FRMD4A: variants seen among roughly 807,000 people sequenced by gnomAD.
FRMD4A encodes FERM domain-containing protein 4A.
FRMD4A carries 29 observed loss-of-function variants against 129.1 expected under a neutral mutation model. The observed-to-expected ratio is 0.22, with a 90% CI of 0.17 to 0.31. FRMD4A has a LOEUF of 0.31. FRMD4A is among the 10% of genes least tolerant of loss of function. The pLI is 1.00. For synonymous variants in FRMD4A, 634 were observed against 571.6 expected (o/e 1.11, Z -1.56); for missense variants, 1,272 against 1,375.8 (o/e 0.92, Z 1.19).
intron 2 of FRMD4A, among the ~76,000 whole-genome samples, chr10:14,177,129 G>A (rs1180912478): frequency 5.3e-5 from 8 of 152,150 alleles, no homozygotes; most frequent in Non-Finnish European, 1.0e-4. Context: ...TGCACTGTTT[G>A]TGCCCTTTCT....
intron 4 of FRMD4A, among the ~76,000 whole-genome samples, chr10:13,801,772 C>T (rs1451091619): frequency 6.6e-6 from 1 of 152,168 alleles, no homozygotes; most frequent in Non-Finnish European, 1.5e-5. Flanking sequence ...TCAAGAATTC[C>T]ACACTGCTAA....
intron 2 of FRMD4A, chr10:13,890,507 C>T: frequency 2.1e-6 from 2 of 974,404 alleles, no homozygotes; most frequent in Non-Finnish European, 2.4e-6. Context: ...GGGGTACCAG[C>T]AGCTGAACCC....
intron 2 of FRMD4A, among the ~76,000 whole-genome samples, chr10:13,863,940 C>T (rs905038227): frequency 3.9e-5 from 6 of 152,090 alleles, no homozygotes; most frequent in East Asian, 1.9e-4. Flanking sequence ...CACAGGGACA[C>T]GGAAAGTAAT....
chr10:14,153,747 C>A (rs78339225), intron 2 of FRMD4A, among the ~76,000 whole-genome samples: 3,514 of 152,298 alleles, frequency 0.023, 65 homozygotes, highest in Non-Finnish European at 0.036. Context: ...TCTGGCCAAT[C>A]GCCTTTGGCA....
intron 2 of FRMD4A, among the ~76,000 whole-genome samples, chr10:13,995,811 C>T (rs2095620545): frequency 6.8e-6 from 1 of 146,884 alleles, no homozygotes; most frequent in Non-Finnish European, 1.5e-5. Context: ...GTATGCATTT[C>T]CAGACTGCTT....
intron 8 of FRMD4A, among the ~76,000 whole-genome samples, chr10:13,755,136 C>T (rs182863361): frequency 8.2e-4 from 125 of 152,074 alleles, no homozygotes; most frequent in Non-Finnish European, 1.6e-3. Context: ...AGATCGCAAT[C>T]GATATAAACG....
intron 16 of FRMD4A, among the ~76,000 whole-genome samples, 183 bp from the exon 17 acceptor site, chr10:13,670,711 G>A (rs1338255822): frequency 1.3e-5 from 2 of 152,202 alleles, no homozygotes; most frequent in African/African-American, 4.8e-5. Context: ...GTCAAGAAAT[G>A]AAATTTCATT....
At chr10:14,204,539 A>G (rs1407278239) in intron 2 of FRMD4A, among the ~76,000 whole-genome samples, 3 of 152,240 alleles carry the variant, frequency 2.0e-5, no homozygotes, top group Non-Finnish European at 2.9e-5. Flanking sequence ...GTGAATTGCC[A>G]TAGTCACGGT....
At chr10:14,048,213 G>A (rs1834071736) in intron 2 of FRMD4A, among the ~76,000 whole-genome samples, 1 of 152,162 alleles carries the variant, frequency 6.6e-6, no homozygotes, top group African/African-American at 2.4e-5. Context: ...CCAGTGACAG[G>A]ACCCGGAGTG....
At chr10:13,904,720 T>C (rs1192161872) in intron 2 of FRMD4A, among the ~76,000 whole-genome samples, 1 of 152,078 alleles carries the variant, frequency 6.6e-6, no homozygotes, top group Non-Finnish European at 1.5e-5. Context: ...TCAGTGATGG[T>C]AGAAAGCAGC....
chr10:14,044,259 C>A (rs1006443681), intron 2 of FRMD4A, among the ~76,000 whole-genome samples: 3 of 152,194 alleles, frequency 2.0e-5, no homozygotes, highest in African/African-American at 7.2e-5. Flanking sequence ...TGTTTGAGCT[C>A]TATTGTTTTA....
intron 15 of FRMD4A, among the ~76,000 whole-genome samples, chr10:13,689,913 A>C (rs979667227): frequency 6.6e-5 from 10 of 150,736 alleles, no homozygotes; most frequent in African/African-American, 2.0e-4. Flanking sequence ...TATCCTTCAC[A>C]ATTTAATTCA....
chr10:14,185,588 AAG>A (rs1842086974), intron 2 of FRMD4A, among the ~76,000 whole-genome samples: 1 of 151,010 alleles, frequency 6.6e-6, no homozygotes, highest in Admixed American at 6.6e-5. Flanking sequence ...TCTTGTAAGA[AAG>A]AGAAACAGGT....
intron 2 of FRMD4A, among the ~76,000 whole-genome samples, chr10:14,054,023 A>T (rs1025208117): frequency 3.3e-5 from 5 of 151,778 alleles, no homozygotes; most frequent in South Asian, 2.1e-4. Flanking sequence ...ATTTTTTTTT[A>T]AAAATTAGCT....
intron 3 of FRMD4A, among the ~76,000 whole-genome samples, chr10:13,851,948 C>G (rs1052281809): frequency 6.6e-5 from 10 of 151,196 alleles, no homozygotes; most frequent in African/African-American, 2.2e-4. Context: ...CCATCACTCA[C>G]ATGTGGGACC....
chr10:14,236,763 A>G (rs1346705385), intron 2 of FRMD4A, among the ~76,000 whole-genome samples: 1 of 152,194 alleles, frequency 6.6e-6, no homozygotes, highest in African/African-American at 2.4e-5. Context: ...AGATTAACAA[A>G]CAAATAATCC....
intron 2 of FRMD4A, among the ~76,000 whole-genome samples, chr10:13,867,047 T>C (rs1016721048): frequency 6.6e-6 from 1 of 152,200 alleles, no homozygotes; most frequent in African/African-American, 2.4e-5. Flanking sequence ...GGTTACTTTT[T>C]TTGTGGGACT....
At chr10:13,704,394 C>T (rs1259728561) in intron 13 of FRMD4A, among the ~76,000 whole-genome samples, 2 of 152,186 alleles carry the variant, frequency 1.3e-5, no homozygotes, top group Non-Finnish European at 2.9e-5. Context: ...GACAGCTCTG[C>T]TTCTTCCTCT....
intron 2 of FRMD4A, among the ~76,000 whole-genome samples, chr10:14,017,991 T>A (rs576756126): frequency 6.6e-6 from 1 of 152,050 alleles, no homozygotes; most frequent in Non-Finnish European, 1.5e-5. Context: ...TCCTTAGAGG[T>A]AGATGAGGAT....
Sources: allele counts gnomAD v4.1 joint callset (sites outside exome capture counted in the v4.1 genomes callset), GRCh38; gene constraint gnomAD v4.1.1; transcripts MANE v1.5; gene names NCBI Gene and HGNC (gene_info 2026-07-23, HGNC 2026-07-21).